Variants in IGHMBP2 observed in about 807,000 individuals in gnomAD.
IGHMBP2 encodes DNA-binding protein SMUBP-2.
Under a neutral mutation model 96.0 loss-of-function variants are expected in IGHMBP2, and 81 were observed. The ratio of observed to expected loss-of-function variants is 0.84; its 90% confidence interval spans 0.71 to 1.01. IGHMBP2 has a LOEUF of 1.01. Ranked by LOEUF, IGHMBP2 falls within the 50% of genes least tolerant of loss-of-function variation. IGHMBP2 has a pLI of 0.00. For synonymous variants in IGHMBP2, 557 were observed against 548.9 expected, an observed-to-expected ratio of 1.01 and a Z score of -0.21; for missense variants, 1,227 against 1,306.3, an observed-to-expected ratio of 0.94 and a Z score of 0.94.
intron 12 of IGHMBP2, 102 bp downstream of exon 12, chr11:68,935,524 A>C: frequency 1.4e-6 from 2 of 1,409,772 alleles, no homozygotes; most frequent in Non-Finnish European, 2.0e-6. Flanking sequence ...GGTTTCTGGC[A>C]GTGTGCTCAT....
intron 4 of IGHMBP2, among the ~76,000 whole-genome samples, chr11:68,910,138 G>T (rs985185004): frequency 1.6e-4 from 25 of 152,218 alleles, no homozygotes; most frequent in African/African-American, 6.0e-4. Flanking sequence ...CCAGTGTTGT[G>T]TTAGCTTCAA....
At chr11:68,926,806 C>G (rs923087192) in intron 7 of IGHMBP2, among the ~76,000 whole-genome samples, 3 of 152,020 alleles carry the variant, frequency 2.0e-5, no homozygotes, top group African/African-American at 7.2e-5. Flanking sequence ...CACTCTGTTG[C>G]TCAGGCTGGA....
chr11:68,906,924 G>A (rs1317005996), intron 2 of IGHMBP2, among the ~76,000 whole-genome samples: 2 of 152,034 alleles, frequency 1.3e-5, no homozygotes, highest in Non-Finnish European at 2.9e-5. Flanking sequence ...TTACAGGTGT[G>A]AGCCAGTGCA....
chr11:68,932,891 C>T (rs655915), intron 8 of IGHMBP2: 176,988 of 231,170 alleles, frequency 0.77, 69,293 homozygotes, highest in Non-Finnish European at 0.84. Context: ...CTAGAGGCCA[C>T]TGCTTGACTT....
At position 68,914,992 on chromosome 11, in the gene IGHMBP2, C is replaced by A. The variant is rs531698017; in HGVS notation, c.881C>A (p.Ala294Glu). The A allele has an allele frequency of 1.2e-6, 2 of 1,613,968 alleles. No individual in the cohort carries two copies. The highest frequency in any genetic ancestry group is 1.7e-6 in the Non-Finnish European group (2 of 1,180,022). The change falls in exon 6 of 15, where the codon GCA (alanine) becomes GAA (glutamate). Residue 294 changes from alanine (A) to glutamate (E), a missense_variant. Ala to Glu is a moderately radical substitution (Grantham distance 107). Around this residue, in one of 3 missense-constraint regions of IGHMBP2, gnomAD observed 507 missense variants for 496.9 expected, o/e 1.02. Coordinates refer to ENST00000255078, the MANE Select transcript of IGHMBP2 (RefSeq NM_002180.3). ...CGGAGCGACAGTGCCCAGATTGTTG[C>A]AGATATCAGGAAGGACATCGACCAG... is the stretch of plus-strand genomic sequence containing the variant. ...LARSDSAQIV[A>E]DIRKDIDQVF...
intron 1 of IGHMBP2, 144 bp downstream of exon 1, chr11:68,904,182 G>C: frequency 1.4e-6 from 1 of 721,218 alleles, no homozygotes; most frequent in Non-Finnish European, 2.4e-6. Context: ...TCCGTCCCCT[G>C]CTTGGCCACC....
intron 10 of IGHMBP2, chr11:68,934,168 G>C (rs1859430174): frequency 1.6e-6 from 1 of 610,308 alleles, no homozygotes; most frequent in Non-Finnish European, 2.9e-6. Context: ...CTGCCTGGCT[G>C]GTCTGGTGAT....
intron 7 of IGHMBP2, among the ~76,000 whole-genome samples, chr11:68,919,346 G>T (rs1356441363): frequency 6.6e-6 from 1 of 152,068 alleles, no homozygotes; most frequent in Non-Finnish European, 1.5e-5. Context: ...TGTTGCCCAG[G>T]CTGGACTCAA....
In IGHMBP2 at chr11:68,936,743, A is replaced by T. The variant is rs867253918; in HGVS notation, c.2263A>T (p.Arg755Trp). 2.5e-6 allele frequency: 4 copies of T among 1,614,078 alleles called. No individual in the cohort carries two copies. The Middle Eastern group carries it at 6.6e-4, about 266-fold the overall frequency. ...EFPPSLNSHD[R>W]LRVHQIAEEH... The stretch of plus-strand genomic sequence containing the variant: ...TCCTCCTTCCCTCAATTCCCACGAC[A>T]GGCTGCGGGTCCACCAAATAGCCGA... Residue 755 changes from arginine to tryptophan, a missense_variant, in exon 13 of 15, where the codon AGG (arginine) becomes TGG (tryptophan). This residue lies in a region of IGHMBP2 where 703 missense variants were observed against 770.3 expected (regional missense o/e 0.91). Transcript: ENST00000255078.
chr11:68,919,158 T>C (rs1446589376), intron 7 of IGHMBP2, among the ~76,000 whole-genome samples: 1 of 152,022 alleles, frequency 6.6e-6, no homozygotes, highest in Non-Finnish European at 1.5e-5. Context: ...ATCTTTCTGT[T>C]GTTGATCTCT....
At chr11:68,936,024 C>T (rs755434190) in intron 12 of IGHMBP2, among the ~76,000 whole-genome samples, 9 of 152,246 alleles carry the variant, frequency 5.9e-5, no homozygotes, top group South Asian at 2.1e-4. Context: ...AGAACCCAGT[C>T]GGGTTCCCCA....
rs563779023 is a variant in IGHMBP2 at position 68,933,239 on chromosome 11, G to A, written c.1236-60G>A. The A allele has an allele frequency of 3.9e-4, 605 of 1,531,752 alleles. 2 individuals carry two copies. The East Asian group carries it at 8.4e-3, about 21-fold the overall frequency. The allele number at this position is 1,531,752 out of a possible 1,614,324, so 94.9% of individuals were successfully genotyped here. A position where few individuals can be genotyped will look rare whatever the true frequency, so the allele number is the denominator to read the frequency against. ...GGGCCTGTCCTCCTCACTTGCTGTG[G>A]TTCACACCTGGACTCTGGGGCTCAG... On this transcript the variant is annotated intron_variant, in intron 8 of 14. Transcript: ENST00000255078.
Position 68,911,618 on chromosome 11 carries a change from C to T in IGHMBP2, c.711+15C>T, listed in dbSNP as rs963088351. 6.2e-7 allele frequency: 1 copy of T among 1,613,086 alleles called. No individual in the cohort carries two copies. Among genetic ancestry groups the T allele is most frequent in the South Asian group, 1.1e-5 (1 of 91,064 alleles). ...AAGGCTTAAAGGTGGGCAGTGCATGCCACTTCCCTGTCAGAGCCCGTCCGC... is the reference window on the plus strand; with the variant it reads ...AAGGCTTAAAGGTGGGCAGTGCATGTCACTTCCCTGTCAGAGCCCGTCCGC... On this transcript the variant is annotated intron_variant, in intron 5 of 14. Transcript: ENST00000255078.
At chr11:68,907,727 AT>A (rs1187441139) in intron 2 of IGHMBP2, among the ~76,000 whole-genome samples, 2 of 150,322 alleles carry the variant, frequency 1.3e-5, no homozygotes, top group Non-Finnish European at 3.0e-5. Context: ...AGAGTTTGAG[AT>A]TTTTTTTTTC....
chr11:68,914,203 T>A (rs1386274366), intron 5 of IGHMBP2, among the ~76,000 whole-genome samples: 1 of 151,734 alleles, frequency 6.6e-6, no homozygotes, highest in Non-Finnish European at 1.5e-5. Context: ...TTTCTCTTTA[T>A]CCAAAAACAA....
intron 5 of IGHMBP2, among the ~76,000 whole-genome samples, chr11:68,913,457 A>C (rs1858524500): frequency 6.7e-6 from 1 of 148,984 alleles, no homozygotes; most frequent in Non-Finnish European, 1.5e-5. Flanking sequence ...GCCTGTAGAG[A>C]CTCTGCCTCC....
At chr11:68,916,572 T>C (rs1408596526) in intron 6 of IGHMBP2, among the ~76,000 whole-genome samples, 1 of 151,618 alleles carries the variant, frequency 6.6e-6, no homozygotes, top group African/African-American at 2.4e-5. Context: ...TTTGCTCTAA[T>C]GTCTGTGCTC....
intron 7 of IGHMBP2, among the ~76,000 whole-genome samples, chr11:68,919,511 G>C (rs940316520): frequency 1.3e-5 from 2 of 152,234 alleles, no homozygotes; most frequent in South Asian, 2.1e-4. Flanking sequence ...AGTTCATCGA[G>C]ACTTACTTTA....
chr11:68,908,269 C>G lies in IGHMBP2; in HGVS notation c.381C>G (p.Ser127Arg), dbSNP rs775782198. ...AFDESHDFQL[S>R]LDRENSYRLL... The stretch of plus-strand genomic sequence containing the variant: ...ATGAGTCCCACGATTTCCAGTTGAG[C>G]TTGGACCGAGAGAATTCCTACAGAC... The change falls in exon 3 of 15, where the codon AGC becomes AGG. Residue 127 changes from serine (S) to arginine (R), a missense_variant. Physicochemically the swap from Ser to Arg is moderately radical, Grantham distance 110. This residue lies in a region of IGHMBP2 where 507 missense variants were observed against 496.9 expected (regional missense o/e 1.02). Transcript: ENST00000255078. The G allele has an allele frequency of 1.2e-5, 20 of 1,614,018 alleles. No homozygotes were observed. Among genetic ancestry groups the G allele is most frequent in the Non-Finnish European group, 1.5e-5 (18 of 1,180,024 alleles).
Sources: allele counts gnomAD v4.1 joint callset (sites outside exome capture counted in the v4.1 genomes callset), GRCh38; gene constraint gnomAD v4.1.1; regional missense constraint gnomAD v4.1.1; transcripts MANE v1.5; gene names NCBI Gene and HGNC (gene_info 2026-07-23, HGNC 2026-07-21).